KCTD3: variants seen among roughly 807,000 people sequenced by gnomAD.
The protein encoded by KCTD3 is potassium channel tetramerization domain containing 3.
Under a neutral mutation model 85.8 loss-of-function variants are expected in KCTD3, and 41 were observed. The ratio of observed to expected loss-of-function variants is 0.48; its 90% confidence interval spans 0.37 to 0.62. The LOEUF (loss-of-function observed/expected upper bound fraction) is 0.62, where lower values mean the gene tolerates loss of function less well. KCTD3 is among the 20% of genes least tolerant of loss of function. The pLI, the probability that KCTD3 is intolerant of heterozygous loss-of-function variation, is 0.00. For missense variants in KCTD3, 724 were observed against 989.9 expected (o/e 0.73, Z 3.60); for synonymous variants, 338 against 345.4 (o/e 0.98, Z 0.24).
chr1:215,589,301 G>T (rs1476785180), intron 9 of KCTD3, among the ~76,000 whole-genome samples: 1 of 151,758 alleles, frequency 6.6e-6, no homozygotes, highest in African/African-American at 2.4e-5. Context: ...GCACCACCAC[G>T]CCTGGCTATT....
At chr1:215,616,341 AT>A (rs1239421238) in intron 15 of KCTD3, among the ~76,000 whole-genome samples, 3 of 152,232 alleles carry the variant, frequency 2.0e-5, no homozygotes, top group African/African-American at 4.8e-5. Flanking sequence ...AAATACAGGA[AT>A]AAAATCTGAT....
intron 10 of KCTD3, among the ~76,000 whole-genome samples, chr1:215,598,938 AT>A (rs908668279): frequency 1.3e-5 from 2 of 152,340 alleles, no homozygotes; most frequent in Middle Eastern, 3.4e-3. Context: ...GAATTTATTG[AT>A]TAAAGAAATG....
chr1:215,572,078 G>A (rs1165264659), intron 1 of KCTD3, among the ~76,000 whole-genome samples: 1 of 152,156 alleles, frequency 6.6e-6, no homozygotes, highest in East Asian at 1.9e-4. Flanking sequence ...TGATTTAAGT[G>A]GGCAGTTTAG....
chr1:215,573,664 T>C (rs940181503), intron 1 of KCTD3, 122 bp from the exon 2 acceptor site: 34 of 578,622 alleles, frequency 5.9e-5, no homozygotes, highest in Non-Finnish European at 1.2e-5. Flanking sequence ...ATAAATATAT[T>C]GGTACAGCTA....
At chr1:215,605,897 G>A (rs1307172750) in intron 13 of KCTD3, among the ~76,000 whole-genome samples, 1 of 152,118 alleles carries the variant, frequency 6.6e-6, no homozygotes, top group Non-Finnish European at 1.5e-5. Context: ...CTAGATGACT[G>A]TAGTAACTTC....
Position 215,606,001 on chromosome 1 carries a change from T to C in KCTD3, c.1309+1699T>C, listed in dbSNP as rs558125329. Among the ~76,000 whole-genome samples the C allele has an allele frequency of 2.6e-5, 4 of 152,308 alleles. No homozygotes were observed. The East Asian group carries it at 7.7e-4, about 29-fold the overall frequency. On this transcript the variant is annotated intron_variant, in intron 13 of 17. Coordinates refer to ENST00000259154, the MANE Select transcript of KCTD3 (RefSeq NM_016121.5). ...AAGTTTGATTCCTGATGGCTTCTAA[T>C]TGTATTTAGAATAAATTTAAATTTC...
intron 8 of KCTD3, among the ~76,000 whole-genome samples, chr1:215,582,562 T>C (rs968171414): frequency 6.6e-6 from 1 of 152,152 alleles, no homozygotes; most frequent in Non-Finnish European, 1.5e-5. Flanking sequence ...TTTTGTTTTG[T>C]TTTGTTTTTG....
chr1:215,619,219 G>A lies in KCTD3; in HGVS notation c.1814G>A (p.Arg605His), dbSNP rs149258039. 4.3e-6 allele frequency: 7 copies of A among 1,613,738 alleles called. No homozygotes were observed. The highest frequency in any genetic ancestry group is 4.0e-5 in the African/African-American group (3 of 74,908). Residue 605 changes from arginine to histidine, a missense_variant, in exon 17 of 18, where the codon CGC (arginine) becomes CAC (histidine). Coordinates refer to ENST00000259154, the MANE Select transcript of KCTD3 (RefSeq NM_016121.5). ...LLDQCDLSTS[R>H]CATPNISPAT... ...GATCAATGTGATTTGAGCACATCTC[G>A]CTGTGCTACTCCTAACATCAGTCCA...
chr1:215,590,538 A>AT (rs1660171705), intron 9 of KCTD3, among the ~76,000 whole-genome samples: 1 of 150,968 alleles, frequency 6.6e-6, no homozygotes, highest in Admixed American at 6.6e-5. Context: ...TTTTTATTTC[A>AT]TTTTTTTCTC....
At position 215,602,211 on chromosome 1, in the gene KCTD3, T is replaced by C. The variant is rs1654858593; in HGVS notation, c.1138+10T>C. On this transcript the variant is annotated intron_variant, in intron 12 of 17. Coordinates refer to ENST00000259154, the MANE Select transcript of KCTD3 (RefSeq NM_016121.5). ...CTCACACCCAAAACAAGTTAGTACA[T>C]GGCCAATTATATACATTCTTGACTT... The C allele has an allele frequency of 7.8e-7, 1 of 1,289,418 alleles. No homozygotes were observed. Among genetic ancestry groups the C allele is most frequent in the Non-Finnish European group, 1.1e-6 (1 of 899,784 alleles). The allele number at this position is 1,289,418 out of a possible 1,614,324, so 79.9% of individuals were successfully genotyped here.
intron 13 of KCTD3, among the ~76,000 whole-genome samples, chr1:215,605,634 C>T (rs1654990967): frequency 6.6e-6 from 1 of 152,110 alleles, no homozygotes; most frequent in South Asian, 2.1e-4. Flanking sequence ...TAATAGGCAT[C>T]TCAAATTTAA....
chr1:215,599,623 A>AGAG (rs1654754607), intron 10 of KCTD3, among the ~76,000 whole-genome samples: 1 of 152,200 alleles, frequency 6.6e-6, no homozygotes, highest in South Asian at 2.1e-4. Context: ...AGGACGAAGA[A>AGAG]GAGGAGGCCA....
chr1:215,616,483 G>A (rs561345951), intron 15 of KCTD3, among the ~76,000 whole-genome samples: 3 of 152,100 alleles, frequency 2.0e-5, no homozygotes, highest in South Asian at 4.1e-4. Context: ...CTTCCAGGCC[G>A]GGTGCGGTGG....
chr1:215,602,332 A>G (rs929412721), intron 12 of KCTD3, 131 bp downstream of exon 12: 2 of 508,320 alleles, frequency 3.9e-6, no homozygotes, highest in African/African-American at 3.9e-5. Flanking sequence ...TTTCATCTCT[A>G]CTAAGTCTAA....
chr1:215,602,272 G>T, intron 12 of KCTD3, 71 bp downstream of exon 12: 1 of 743,088 alleles, frequency 1.3e-6, no homozygotes, highest in Admixed American at 2.4e-5. Context: ...TATGTGACTA[G>T]GTCAAATTAA....
chr1:215,602,042 T>TA, intron 11 of KCTD3, 43 bp from the exon 12 acceptor site: 1 of 1,379,636 alleles, frequency 7.2e-7, no homozygotes, highest in Non-Finnish European at 1.0e-6. Context: ...TTTAAATAGA[T>TA]ATGCTATTTA....
At chr1:215,618,022 A>G in intron 15 of KCTD3, 1 of 413,008 alleles carries the variant, frequency 2.4e-6, no homozygotes, top group Non-Finnish European at 5.2e-6. Flanking sequence ...TTTGGACCTC[A>G]CTCTCTTGTG....
intron 17 of KCTD3, 52 bp from the exon 18 acceptor site, chr1:215,620,005 G>A: frequency 7.4e-7 from 1 of 1,355,706 alleles, no homozygotes; most frequent in African/African-American, 1.5e-5. Context: ...ATATGTTCCT[G>A]AGAAATCACA....
In KCTD3 at chr1:215,604,175, T is replaced by C; in HGVS notation, c.1182T>C (p.Ser394=). 1 of 1,613,866 alleles carries C rather than the reference T, an allele frequency of 6.2e-7. No individual in the cohort carries two copies. Among genetic ancestry groups the C allele is most frequent in the Non-Finnish European group, 8.5e-7 (1 of 1,179,840 alleles). The change falls in exon 13 of 18, where the codon TCT becomes TCC. Residue 394 remains serine (S), a synonymous_variant. Transcript: ENST00000259154. ...NWIEIAYGTS[S]GAVRVIVQHP... is the part of the protein sequence containing the mutation. ...TCGAGATCGCCTATGGTACGAGCTCTGGAGCAGTACGAGTGATTGTACAAC... is the reference window on the plus strand; with the variant it reads ...TCGAGATCGCCTATGGTACGAGCTCCGGAGCAGTACGAGTGATTGTACAAC...
Sources: allele counts gnomAD v4.1 joint callset (sites outside exome capture counted in the v4.1 genomes callset), GRCh38; gene constraint gnomAD v4.1.1; transcripts MANE v1.5; gene names NCBI Gene and HGNC (gene_info 2026-07-23, HGNC 2026-07-21).